The following AIDA variants were observed in gnomAD, a reference collection of about 807,000 sequenced individuals.
AIDA encodes axin interactor, dorsalization associated, also known as axin interactor, dorsalization-associated protein.
Under a neutral mutation model 42.7 loss-of-function variants are expected in AIDA, and 18 were observed. That is an observed-to-expected ratio of 0.42 (90% confidence interval 0.29 to 0.63). The LOEUF (loss-of-function observed/expected upper bound fraction) is 0.63, where lower values mean the gene tolerates loss of function less well. Ranked by LOEUF, AIDA falls within the 20% of genes least tolerant of loss-of-function variation. The probability of loss-of-function intolerance (pLI) is 0.19; values close to 1 mark genes in which losing one functional copy is unlikely to be tolerated. For missense variants in AIDA, 250 were observed against 354.1 expected (o/e 0.71, Z 2.36); for synonymous variants, 104 against 122.9 (o/e 0.85, Z 1.02).
intron 6 of AIDA, among the ~76,000 whole-genome samples, chr1:222,682,878 T>C (rs1664677666): frequency 6.6e-6 from 1 of 152,354 alleles, no homozygotes; most frequent in Non-Finnish European, 1.5e-5. Flanking sequence ...CTTGAAAATC[T>C]GGCAATAGAA....
At chr1:222,678,203 GTGTGTGT>G (rs1558208200) in intron 6 of AIDA, among the ~76,000 whole-genome samples, 1,913 of 15,318 alleles carry the variant, frequency 0.12, 39 homozygotes, top group African/African-American at 0.23. Context: ...ATCTTGGGGT[GTGTGTGT>G]GTGTGTGTGT....
At chr1:222,689,473 GTGTGTGTGTA>G (rs1290808707) in intron 4 of AIDA, among the ~76,000 whole-genome samples, 2 of 36,526 alleles carry the variant, frequency 5.5e-5, no homozygotes, top group East Asian at 2.5e-3. Flanking sequence ...ATATGTATGT[GTGTGTGTGTA>G]TATATATATA....
At chr1:222,700,971 TG>T (rs769851386) in intron 2 of AIDA, among the ~76,000 whole-genome samples, 2,742 of 104,994 alleles carry the variant, frequency 0.026, 94 homozygotes, top group Middle Eastern at 0.096. Context: ...TGATTTTTTT[TG>T]GGGGGGGGGG....
chr1:222,691,969 A>T (rs1655385586), intron 4 of AIDA, among the ~76,000 whole-genome samples: 1 of 152,172 alleles, frequency 6.6e-6, no homozygotes, highest in Admixed American at 6.5e-5. Context: ...ATAACCTTTC[A>T]TTATTTTGTT....
chr1:222,694,041 T>G (rs562730652), intron 3 of AIDA, among the ~76,000 whole-genome samples, 169 bp downstream of exon 3: 4 of 152,332 alleles, frequency 2.6e-5, no homozygotes, highest in African/African-American at 7.2e-5. Context: ...AAGTCATATC[T>G]TTTATTTTAC....
intron 1 of AIDA, 33 bp downstream of exon 1, chr1:222,712,175 C>T (rs1558219705): frequency 3.2e-6 from 5 of 1,566,992 alleles, no homozygotes; most frequent in Non-Finnish European, 4.3e-6. Flanking sequence ...CGACTGGAGC[C>T]GGTCTGGCCT....
intron 6 of AIDA, among the ~76,000 whole-genome samples, chr1:222,676,741 G>A (rs1184146126): frequency 1.3e-5 from 2 of 151,520 alleles, no homozygotes; most frequent in African/African-American, 2.4e-5. Flanking sequence ...CTGCAGCCTC[G>A]ACCTCCCAGG....
At chr1:222,681,182 C>T (rs1252766779) in intron 6 of AIDA, among the ~76,000 whole-genome samples, 1 of 152,182 alleles carries the variant, frequency 6.6e-6, no homozygotes, top group Non-Finnish European at 1.5e-5. Context: ...CCTGTCCTCA[C>T]GTGTACCTCT....
Position 222,700,746 on chromosome 1 carries a change from C to T in AIDA, c.180+2402G>A, listed in dbSNP as rs368256773. ...CTCCGGCCTGGGTGACAGAGCAAGA[C>T]TCCGTCTCAAAAAAAAAAAAAAAGA... On this transcript the variant is annotated intron_variant, in intron 2 of 9. Coordinates refer to ENST00000340020, the MANE Select transcript of AIDA (RefSeq NM_022831.4). Among the ~76,000 whole-genome samples the T allele has an allele frequency of 1.5e-3, 214 of 146,718 alleles. 6 individuals are homozygous for T. The South Asian group carries it at 0.021, about 14-fold the overall frequency.
At chr1:222,705,640 T>C (rs542520949) in intron 1 of AIDA, among the ~76,000 whole-genome samples, 60 of 152,288 alleles carry the variant, frequency 3.9e-4, no homozygotes, top group African/African-American at 1.3e-3. Flanking sequence ...TCCCAGCACT[T>C]TGGGAGGCCA....
At chr1:222,703,019 T>C in intron 2 of AIDA, 129 bp downstream of exon 2, 1 of 640,210 alleles carries the variant, frequency 1.6e-6, no homozygotes, top group Non-Finnish European at 2.6e-6. Flanking sequence ...ATAATCAATA[T>C]CATTCTTTTT....
chr1:222,684,966 T>A (rs1315554074), intron 6 of AIDA, among the ~76,000 whole-genome samples: 15 of 152,238 alleles, frequency 9.9e-5, no homozygotes, highest in Admixed American at 9.2e-4. Context: ...GAAACGGCAA[T>A]AAAAATTATC....
At chr1:222,676,277 G>T in intron 6 of AIDA, 59 bp from the exon 7 acceptor site, 1 of 1,518,316 alleles carries the variant, frequency 6.6e-7, no homozygotes, top group South Asian at 1.3e-5. Context: ...ACATTTTAAT[G>T]AACACAGAGA....
chr1:222,689,526 C>CACAT (rs1385299431), intron 4 of AIDA, among the ~76,000 whole-genome samples: 2 of 73,924 alleles, frequency 2.7e-5, no homozygotes, highest in Non-Finnish European at 6.1e-5. Context: ...TATATACACA[C>CACAT]ATACACACAC....
At chr1:222,704,001 CT>C (rs1480431376) in intron 1 of AIDA, among the ~76,000 whole-genome samples, 1 of 152,130 alleles carries the variant, frequency 6.6e-6, no homozygotes, top group African/African-American at 2.4e-5. Flanking sequence ...ATAGATAGTT[CT>C]CCAAAGAAGA....
rs765106633 is a variant in AIDA, at chr1:222,670,082, ATATACTAG to A, written c.824+43_824+50del. The A allele has an allele frequency of 4.4e-6, 7 of 1,606,958 alleles. No individual in the cohort carries two copies. The East Asian group carries it at 1.3e-4, about 31-fold the overall frequency. ...TGGATATGGGGGATTCAGAAGAAAG[ATATACTAG>A]TCACCATCAAATTAGTACTAATTCT... On this transcript the variant is annotated intron_variant, in intron 9 of 9. Transcript: ENST00000340020.
intron 2 of AIDA, among the ~76,000 whole-genome samples, chr1:222,694,744 T>A (rs1655467962): frequency 6.6e-6 from 1 of 152,258 alleles, no homozygotes; most frequent in African/African-American, 2.4e-5. Flanking sequence ...GTAAATTTTA[T>A]AGTTGGATCT....
intron 6 of AIDA, among the ~76,000 whole-genome samples, chr1:222,682,881 C>A (rs191013612): frequency 7.9e-4 from 120 of 152,190 alleles, no homozygotes; most frequent in African/African-American, 2.7e-3. Flanking sequence ...GAAAATCTGG[C>A]AATAGAAAAT....
At chr1:222,671,710 G>A (rs1346828277) in intron 8 of AIDA, among the ~76,000 whole-genome samples, 1 of 152,172 alleles carries the variant, frequency 6.6e-6, no homozygotes, top group South Asian at 2.1e-4. Context: ...TAGGTTACTG[G>A]TAACATCTCT....
Sources: gnomAD v4.1 joint callset for allele counts (sites outside exome capture counted in the v4.1 genomes callset) on GRCh38, gnomAD v4.1.1 for gene constraint, MANE v1.5 for transcripts, NCBI Gene and HGNC (gene_info 2026-07-23, HGNC 2026-07-21) for gene names.